TRHDE: variants seen among roughly 807,000 people sequenced by gnomAD.
The protein encoded by TRHDE is thyrotropin releasing hormone degrading enzyme, also known as thyrotropin-releasing hormone-degrading ectoenzyme.
Under a neutral mutation model 125.7 loss-of-function variants are expected in TRHDE, and 72 were observed. The observed-to-expected ratio is 0.57, with a 90% CI of 0.47 to 0.70. The LOEUF is 0.70. Ranked by LOEUF, TRHDE falls within the 30% of genes least tolerant of loss-of-function variation. TRHDE has a pLI of 0.00. For missense variants in TRHDE, 1,110 were observed against 1,327.1 expected (o/e 0.84, Z 2.54); for synonymous variants, 509 against 509.1 (o/e 1.00, Z 0.00).
intron 3 of TRHDE, among the ~76,000 whole-genome samples, chr12:72,408,132 A>G (rs1312112335): frequency 6.6e-6 from 1 of 152,216 alleles, no homozygotes; most frequent in African/African-American, 2.4e-5. Flanking sequence ...TGCTTTTATA[A>G]GAAACCTACT....
chr12:72,351,122 C>T (rs1013069026), intron 2 of TRHDE, among the ~76,000 whole-genome samples: 7 of 151,960 alleles, frequency 4.6e-5, no homozygotes. Context: ...AGACAAAATA[C>T]TTCACAAACT....
chr12:72,097,440 ATTTTTTTTTT>A lies in TRHDE; in HGVS notation n.175-8190_175-8181del, dbSNP rs869290442. 2.3e-4 allele frequency among the ~76,000 whole-genome samples: 5 copies of A among 21,640 alleles called. No individual in the cohort carries two copies. The East Asian group carries it at 5.0e-3, about 22-fold the overall frequency. 14.2% of individuals were successfully genotyped at this position (21,640 alleles called of 152,430 possible). On this transcript the variant is annotated intron_variant and non_coding_transcript_variant, in intron 1 of 4. Coordinates refer to the TRHDE transcript ENST00000548156. ...CCTTGCAGTAGCATTTTCTCACTGA[ATTTTTTTTTT>A]TTTTTTTTTTTTTTTTTAGACAGAG...
chr12:72,520,624 T>C (rs1879149424), intron 6 of TRHDE, among the ~76,000 whole-genome samples: 1 of 152,204 alleles, frequency 6.6e-6, no homozygotes, highest in Non-Finnish European at 1.5e-5. Flanking sequence ...CGCTGGGAGC[T>C]GTAGACTGGA....
chr12:72,592,522 T>A (rs1030993642), intron 12 of TRHDE, among the ~76,000 whole-genome samples: 8 of 152,130 alleles, frequency 5.3e-5, no homozygotes, highest in African/African-American at 1.9e-4. Flanking sequence ...TTTTGGATTA[T>A]GTACTTGGTA....
rs1002935661 is a variant in TRHDE, at chr12:72,273,866, G to A, written c.914+309G>A. The A allele has an allele frequency of 2.6e-5, 9 of 346,176 alleles. No homozygotes were observed. Among genetic ancestry groups the A allele is most frequent in the Admixed American group, 4.2e-5 (1 of 23,952 alleles). 21.4% of individuals were successfully genotyped at this position (346,176 alleles called of 1,614,324 possible). ...CATCGAAACGCAGGGCTCTTTTTCT[G>A]AAGGGTAGCTGATAATCTGAGCGAT... On this transcript the variant is annotated intron_variant, in intron 1 of 18. Coordinates refer to ENST00000261180, the MANE Select transcript of TRHDE (RefSeq NM_013381.3). The surrounding 1 kb of genome is among the most constrained non-coding windows in gnomAD (Gnocchi z 5.3).
chr12:72,095,768 T>C (rs1287462557), intron 1 of TRHDE, among the ~76,000 whole-genome samples: 3 of 152,208 alleles, frequency 2.0e-5, no homozygotes, highest in Non-Finnish European at 2.9e-5. Context: ...AGTGTGATGG[T>C]TAATTTTATA....
chr12:72,175,122 C>G (rs1876959084), intron 2 of TRHDE, among the ~76,000 whole-genome samples: 1 of 152,076 alleles, frequency 6.6e-6, no homozygotes, highest in Non-Finnish European at 1.5e-5. Flanking sequence ...ATAGTTGAAA[C>G]TTTATGCTCA....
chr12:72,332,735 G>C (rs1869660920), intron 2 of TRHDE, among the ~76,000 whole-genome samples: 1 of 152,172 alleles, frequency 6.6e-6, no homozygotes, highest in Non-Finnish European at 1.5e-5. Context: ...GTGAGTTAAG[G>C]ACAGAGACAC....
In TRHDE at chr12:72,667,166, T is replaced by C. The variant is rs915580849; in HGVS notation, c.*3971T>C. On this transcript the variant is annotated 3_prime_UTR_variant, in exon 19 of 19. Coordinates refer to ENST00000261180, the MANE Select transcript of TRHDE (RefSeq NM_013381.3). ...TACAATAATATATTTAATTAAAATC[T>C]ACTGGCAATTAGAATTTTAAGGAAT... The C allele has an allele frequency of 6.6e-6, 1 of 151,986 alleles. No individual in the cohort carries two copies. The highest frequency in any genetic ancestry group is 2.4e-5 in the African/African-American group (1 of 41,432). The allele number at this position is 151,986 out of a possible 1,614,324, so 9.4% of individuals were successfully genotyped here.
At chr12:72,222,339 C>A (rs181019131) in intron 2 of TRHDE, among the ~76,000 whole-genome samples, 2 of 152,022 alleles carry the variant, frequency 1.3e-5, no homozygotes, top group Non-Finnish European at 2.9e-5. Flanking sequence ...GAAAATATAG[C>A]CTGCCACACT....
chr12:72,386,507 A>AT (rs1592408503), intron 3 of TRHDE, among the ~76,000 whole-genome samples: 2 of 151,694 alleles, frequency 1.3e-5, no homozygotes, highest in Admixed American at 1.3e-4. Flanking sequence ...TGAATCTTCA[A>AT]TTTTTTCTCT....
intron 1 of TRHDE, among the ~76,000 whole-genome samples, chr12:72,278,456 G>T (rs2139416157): frequency 6.6e-6 from 1 of 152,244 alleles, no homozygotes; most frequent in East Asian, 1.9e-4. Flanking sequence ...TAATCCACCA[G>T]TAGTGGGATT....
intron 2 of TRHDE, among the ~76,000 whole-genome samples, chr12:72,189,121 A>AT (rs1877287556): frequency 6.6e-6 from 1 of 152,246 alleles, no homozygotes; most frequent in Non-Finnish European, 1.5e-5. Context: ...AATAAAAAAG[A>AT]TTCTTTTTTG....
chr12:72,404,354 C>T (rs1873177251), intron 3 of TRHDE, among the ~76,000 whole-genome samples: 1 of 152,162 alleles, frequency 6.6e-6, no homozygotes. Flanking sequence ...ATTGCTTGAC[C>T]TGGCAGGCAG....
intron 2 of TRHDE, among the ~76,000 whole-genome samples, chr12:72,372,853 G>C (rs1489234782): frequency 1.3e-5 from 2 of 152,176 alleles, no homozygotes; most frequent in Admixed American, 6.5e-5. Flanking sequence ...TTTTGGCTTA[G>C]GATTGACTTG....
At chr12:72,476,837 T>C (rs1245978123) in intron 5 of TRHDE, among the ~76,000 whole-genome samples, 1 of 152,210 alleles carries the variant, frequency 6.6e-6, no homozygotes, top group Non-Finnish European at 1.5e-5. Context: ...TAACTGTTAG[T>C]AAAATCTTAG....
chr12:72,354,557 G>A (rs1355915316), intron 2 of TRHDE, among the ~76,000 whole-genome samples: 2 of 150,908 alleles, frequency 1.3e-5, no homozygotes, highest in Non-Finnish European at 3.0e-5. Context: ...TATAAATTAA[G>A]GATGATCAAC....
chr12:72,468,388 T>C (rs960547710), intron 3 of TRHDE, among the ~76,000 whole-genome samples: 8 of 152,246 alleles, frequency 5.3e-5, no homozygotes, highest in East Asian at 1.9e-4. Context: ...TCAGTTTCTT[T>C]GTCCTTTGCT....
intron 3 of TRHDE, chr12:72,431,645 T>G (rs570183129): frequency 2.6e-5 from 4 of 151,904 alleles, no homozygotes; most frequent in Admixed American, 2.6e-4. Context: ...AGAAGAGGTT[T>G]TTTTTTTTTT....
Sources: allele counts gnomAD v4.1 joint callset (sites outside exome capture counted in the v4.1 genomes callset), GRCh38; gene constraint gnomAD v4.1.1; non-coding constraint Gnocchi (gnomAD v3.1); transcripts MANE v1.5; gene names NCBI Gene and HGNC (gene_info 2026-07-23, HGNC 2026-07-21).